Variants in TRMT2B observed in about 807,000 individuals in gnomAD.
TRMT2B encodes tRNA methyltransferase 2B, also known as tRNA (uracil-5-)-methyltransferase homolog B.
TRMT2B carries 34 observed loss-of-function variants against 39.7 expected under a neutral mutation model. That is an observed-to-expected ratio of 0.86 (90% CI 0.65 to 1.14). TRMT2B has a LOEUF of 1.14. TRMT2B is among the 50% of genes most tolerant of loss of function. The pLI, the probability that TRMT2B is intolerant of heterozygous loss-of-function variation, is 0.00. For missense variants in TRMT2B, 318 were observed against 377.2 expected (o/e 0.84, Z 1.30); for synonymous variants, 132 against 137.3 (o/e 0.96, Z 0.27).
chrX:100,990,826 T>G, the TRMT2B span: 3 of 349,246 alleles, frequency 8.6e-6, no homozygotes, highest in Non-Finnish European at 1.5e-5. Flanking sequence ...ACTTCTTTGC[T>G]GAGAATTATG....
At chrX:100,996,013 A>T in the TRMT2B span, among the ~76,000 whole-genome samples, 1 of 108,942 alleles carries the variant, frequency 9.2e-6, no homozygotes, top group African/African-American at 3.3e-5. Context: ...CTAGGTTACA[A>T]AGACACCTGT....
chrX:101,002,263 C>T, the TRMT2B span, among the ~76,000 whole-genome samples: 1 of 111,707 alleles, frequency 9.0e-6, no homozygotes. Context: ...CATTCAGGTG[C>T]ATCTGCCATA....
At chrX:100,977,745 G>A in the TRMT2B span, among the ~76,000 whole-genome samples, 1 of 112,101 alleles carries the variant, frequency 8.9e-6, no homozygotes, top group Non-Finnish European at 1.9e-5. Context: ...ACAAATGAGT[G>A]AGAACATACG....
chrX:101,044,372 A>G (rs1429256334), intron 2 of TRMT2B, among the ~76,000 whole-genome samples: 1 of 112,095 alleles, frequency 8.9e-6, no homozygotes, highest in Non-Finnish European at 1.9e-5. Flanking sequence ...GTCGAGAGAG[A>G]TGGCAGGGAT....
the TRMT2B span, among the ~76,000 whole-genome samples, chrX:100,977,918 T>C: frequency 8.9e-6 from 1 of 112,225 alleles, no homozygotes; most frequent in Non-Finnish European, 1.9e-5. Flanking sequence ...TGATGGACTC[T>C]TAGGTTGCTT....
chrX:100,983,299 AAT>A, the TRMT2B span, among the ~76,000 whole-genome samples: 1 of 111,513 alleles, frequency 9.0e-6, no homozygotes, highest in Non-Finnish European at 1.9e-5. Flanking sequence ...GGGCAAAAAA[AAT>A]ATATAAAGCT....
chrX:101,019,285 C>T lies in TRMT2B; in HGVS notation c.1287G>A (p.Leu429=). 1 of 1,211,429 alleles carries T rather than the reference C, an allele frequency of 8.3e-7. No homozygotes were observed. Among genetic ancestry groups the T allele is most frequent in the East Asian group, 3.0e-5 (1 of 33,816 alleles). Residue 429 remains leucine, a splice_region_variant and synonymous_variant, in exon 12 of 14, where the codon CTG becomes CTA. Transcript: ENST00000372936. The part of the protein sequence containing the change: ...VAVVNPARAG[L]HYKVIQAIRN... ...ATCAAAATAGCTGTTCATCCTTACG[C>T]AGTCCGGCACGGGCTGGGTTCACCA...
At chrX:100,987,537 G>C in the TRMT2B span, 1 of 1,211,064 alleles carries the variant, frequency 8.3e-7, no homozygotes, top group Non-Finnish European at 1.1e-6. Context: ...AGGCTCTGGA[G>C]AAAGATGCTC....
intron 4 of TRMT2B, among the ~76,000 whole-genome samples, chrX:101,038,483 C>G (rs147765397): frequency 9.1e-6 from 1 of 110,174 alleles, no homozygotes; most frequent in Non-Finnish European, 1.9e-5. Flanking sequence ...GGCTCATGGT[C>G]TCAACAGATG....
At chrX:101,004,233 A>T in the TRMT2B span, among the ~76,000 whole-genome samples, 17 of 105,932 alleles carry the variant, frequency 1.6e-4, no homozygotes, top group Admixed American at 1.8e-3. Context: ...AAAGATTTTA[A>T]AACTTTCCTT....
chrX:101,045,382 A>G (rs1403079919), intron 2 of TRMT2B, among the ~76,000 whole-genome samples: 1 of 102,548 alleles, frequency 9.8e-6, no homozygotes, highest in Non-Finnish European at 2.0e-5. Flanking sequence ...TGAACTCAGG[A>G]GGCGGAGGTT....
intron 13 of TRMT2B, among the ~76,000 whole-genome samples, chrX:101,016,316 C>T (rs963829037): frequency 2.7e-5 from 3 of 111,337 alleles, no homozygotes; most frequent in Non-Finnish European, 5.6e-5. Context: ...TTTGCCTGTT[C>T]TAGATAGTTC....
At chrX:100,990,143 C>G in the TRMT2B span, among the ~76,000 whole-genome samples, 58 of 111,387 alleles carry the variant, frequency 5.2e-4, no homozygotes, top group Admixed American at 7.6e-4. Flanking sequence ...AAATGAAGGG[C>G]AGAGGGGAGA....
the TRMT2B span, among the ~76,000 whole-genome samples, chrX:100,994,141 G>A: frequency 3.6e-5 from 4 of 111,456 alleles, no homozygotes; most frequent in Admixed American, 9.5e-5. Flanking sequence ...AGAATCTAGG[G>A]TAATTACAAC....
At chrX:100,996,517 A>T in the TRMT2B span, among the ~76,000 whole-genome samples, 3 of 111,821 alleles carry the variant, frequency 2.7e-5, no homozygotes, top group African/African-American at 9.8e-5. Context: ...GAAACATCAC[A>T]TGAAAAAATA....
intron 7 of TRMT2B, among the ~76,000 whole-genome samples, chrX:101,024,154 C>T (rs2086939529): frequency 9.0e-6 from 1 of 110,980 alleles, no homozygotes; most frequent in Non-Finnish European, 1.9e-5. Context: ...TGCCTGCTGT[C>T]CTTATAAGAG....
downstream of TRMT2B, among the ~76,000 whole-genome samples, chrX:101,009,058 G>A (rs998874136): frequency 2.7e-5 from 3 of 111,368 alleles, no homozygotes; most frequent in Non-Finnish European, 5.7e-5. Context: ...AGCCTCTCCT[G>A]TGTCTCCTCT....
intron 2 of TRMT2B, among the ~76,000 whole-genome samples, chrX:101,049,856 A>T (rs914862420): frequency 1.8e-5 from 2 of 111,424 alleles, no homozygotes; most frequent in Non-Finnish European, 3.8e-5. Flanking sequence ...AAGCCAGAGA[A>T]AGGAAATGAA....
intron 7 of TRMT2B, among the ~76,000 whole-genome samples, chrX:101,025,118 TA>T (rs1399861313): frequency 3.6e-5 from 4 of 111,944 alleles, no homozygotes; most frequent in African/African-American, 1.3e-4. Flanking sequence ...CAATAAATAT[TA>T]TTGAAAAATT....
Sources: gnomAD v4.1 joint callset for allele counts (sites outside exome capture counted in the v4.1 genomes callset) on GRCh38, gnomAD v4.1.1 for gene constraint, MANE v1.5 for transcripts, NCBI Gene and HGNC (gene_info 2026-07-23, HGNC 2026-07-21) for gene names.